TRIO: variants seen among roughly 807,000 people sequenced by gnomAD.
TRIO encodes trio Rho guanine nucleotide exchange factor.
Under a neutral mutation model 351.9 loss-of-function variants are expected in TRIO, and 58 were observed. The observed-to-expected ratio is 0.16, with a 90% CI of 0.13 to 0.21. The LOEUF (loss-of-function observed/expected upper bound fraction) is 0.21, where lower values mean the gene tolerates loss of function less well. TRIO is among the 10% of genes least tolerant of loss of function. TRIO has a pLI of 1.00. For synonymous variants in TRIO, 1,758 were observed against 1,595.7 expected, an observed-to-expected ratio of 1.10 and a Z score of -2.42; for missense variants, 3,201 against 4,027.8, an observed-to-expected ratio of 0.79 and a Z score of 5.56.
chr5:14,146,679 G>T (rs1395938263), intron 1 of TRIO, among the ~76,000 whole-genome samples: 1 of 152,256 alleles, frequency 6.6e-6, no homozygotes, highest in African/African-American at 2.4e-5. Flanking sequence ...GGGCTCAGGG[G>T]ACAGGACTGC....
At chr5:14,289,507 C>T (rs1337564618) in intron 4 of TRIO, among the ~76,000 whole-genome samples, 10 of 152,016 alleles carry the variant, frequency 6.6e-5, no homozygotes, top group South Asian at 6.2e-4. Context: ...ATGTAATCAT[C>T]GCCACACTCC....
At chr5:14,229,446 G>C (rs1266663039) in intron 1 of TRIO, among the ~76,000 whole-genome samples, 1 of 152,230 alleles carries the variant, frequency 6.6e-6, no homozygotes, top group Non-Finnish European at 1.5e-5. Flanking sequence ...CTGGAGGAGA[G>C]GGGATCTTTT....
chr5:14,458,591 C>T (rs1753545040), intron 34 of TRIO, among the ~76,000 whole-genome samples: 1 of 152,218 alleles, frequency 6.6e-6, no homozygotes, highest in Admixed American at 6.5e-5. Context: ...TGTTCATTAT[C>T]TCTGTCCAGT....
chr5:14,143,902 G>A lies in TRIO; in HGVS notation c.157+20G>A. On this transcript the variant is annotated intron_variant, in intron 1 of 56. Coordinates refer to ENST00000344204, the MANE Select transcript of TRIO (RefSeq NM_007118.4). ...GATCCGGTGAGTGCAACTGCGGCCG[G>A]CCCGCCCAGCGGCGCTGCCCCAAGC... 2.8e-6 allele frequency: 3 copies of A among 1,069,306 alleles called. No individual in the cohort carries two copies. Among genetic ancestry groups the A allele is most frequent in the South Asian group, 8.7e-5 (2 of 22,864 alleles). 66.2% of individuals were successfully genotyped at this position (1,069,306 alleles called of 1,614,324 possible).
chr5:14,504,670 T>C, intron 55 of TRIO, 77 bp downstream of exon 55: 1 of 1,513,150 alleles, frequency 6.6e-7, no homozygotes, highest in Non-Finnish European at 9.0e-7. Context: ...CTGTTTGTTC[T>C]CTAAGAAGGA....
At chr5:14,460,572 G>A (rs192836595) in intron 34 of TRIO, among the ~76,000 whole-genome samples, 49 of 152,356 alleles carry the variant, frequency 3.2e-4, no homozygotes, top group African/African-American at 1.2e-3. Flanking sequence ...CAGTAAGCAT[G>A]TCAGTTGGCA....
intron 1 of TRIO, among the ~76,000 whole-genome samples, chr5:14,166,990 C>T (rs17299045): frequency 0.07 from 10,684 of 151,998 alleles, 546 homozygotes; most frequent in Admixed American, 0.17. Context: ...AGTCCTCAAG[C>T]GCCCATTCTT....
intron 33 of TRIO, among the ~76,000 whole-genome samples, chr5:14,408,230 A>G (rs921896647): frequency 6.6e-6 from 1 of 152,202 alleles, no homozygotes; most frequent in Non-Finnish European, 1.5e-5. Context: ...AGGATTCATG[A>G]TACTTAATGT....
At chr5:14,504,157 G>A (rs964231111) in intron 54 of TRIO, among the ~76,000 whole-genome samples, 2 of 152,244 alleles carry the variant, frequency 1.3e-5, no homozygotes, top group African/African-American at 2.4e-5. Flanking sequence ...AGCCACCGAC[G>A]TGAGGAGACC....
chr5:14,390,117 C>T, intron 25 of TRIO, 114 bp from the exon 26 acceptor site: 1 of 872,174 alleles, frequency 1.1e-6, no homozygotes, highest in South Asian at 1.7e-5. Flanking sequence ...TAGTTAAGAG[C>T]TACATGTTTT....
chr5:14,406,559 C>A lies in TRIO; in HGVS notation c.4860-14C>A. 2 of 1,613,688 alleles carry A rather than the reference C, an allele frequency of 1.2e-6. 1 individual carries two copies. Among genetic ancestry groups the A allele is most frequent in the South Asian group, 2.2e-5 (2 of 91,060 alleles). On this transcript the variant is annotated splice_polypyrimidine_tract_variant and intron_variant, in intron 32 of 56. Coordinates refer to ENST00000344204, the MANE Select transcript of TRIO (RefSeq NM_007118.4). ...CAGCAGCATCAGGAACTAAAAGTTT[C>A]TTTGCACCGCCAGGGATGGAGAGGA...
chr5:14,335,474 A>G (rs961501216), intron 10 of TRIO, among the ~76,000 whole-genome samples: 6 of 151,742 alleles, frequency 4.0e-5, no homozygotes, highest in Admixed American at 1.3e-4. Flanking sequence ...CTCCCCTCCC[A>G]CCTGTGGACC....
At chr5:14,458,917 A>G (rs2126483011) in intron 34 of TRIO, among the ~76,000 whole-genome samples, 1 of 152,334 alleles carries the variant, frequency 6.6e-6, no homozygotes, top group Admixed American at 6.5e-5. Context: ...ACTGATAGGG[A>G]AATGTTTTAG....
chr5:14,483,381 A>G (rs1755674436), intron 46 of TRIO, among the ~76,000 whole-genome samples: 1 of 152,208 alleles, frequency 6.6e-6, no homozygotes, highest in Non-Finnish European at 1.5e-5. Flanking sequence ...TGGGAGATAC[A>G]TGCCCCCGCC....
At position 14,289,805 on chromosome 5, in the gene TRIO, C is replaced by T. The variant is rs181694406; in HGVS notation, c.541-911C>T. On this transcript the variant is annotated intron_variant, in intron 4 of 56. Transcript: ENST00000344204. ...CAGAGGTTGCAGTAAGCTGAGACTGCGCCACTGCACTCCAGCCTGGGTGAC... is the reference window on the plus strand; with the variant it reads ...CAGAGGTTGCAGTAAGCTGAGACTGTGCCACTGCACTCCAGCCTGGGTGAC... 9.5e-3 allele frequency among the ~76,000 whole-genome samples: 1,437 copies of T among 151,878 alleles called. 6 individuals are homozygous for T. Among genetic ancestry groups the T allele is most frequent in the Middle Eastern group, 0.024 (7 of 292 alleles).
intron 1 of TRIO, among the ~76,000 whole-genome samples, chr5:14,260,253 T>C (rs1205838983): frequency 6.6e-6 from 1 of 152,200 alleles, no homozygotes; most frequent in Non-Finnish European, 1.5e-5. Flanking sequence ...TTAAATGGAT[T>C]TGTCTAATTA....
In TRIO at chr5:14,464,508, C is replaced by T. The variant is rs567445608; in HGVS notation, c.5668-1037C>T. Among the ~76,000 whole-genome samples the T allele has an allele frequency of 5.5e-4, 84 of 152,336 alleles. No individual in the cohort carries two copies. Among genetic ancestry groups the T allele is most frequent in the Non-Finnish European group, 9.0e-4 (61 of 68,026 alleles). ...CTCTTTTTGTAAACTTTCACTGCAG[C>T]ATTATGTTGATTTGTGTTCTGTGTC... On this transcript the variant is annotated intron_variant, in intron 36 of 56. Coordinates refer to ENST00000344204, the MANE Select transcript of TRIO (RefSeq NM_007118.4).
At chr5:14,290,676 A>T in intron 4 of TRIO, 40 bp from the exon 5 acceptor site, 1 of 1,542,090 alleles carries the variant, frequency 6.5e-7, no homozygotes, top group Non-Finnish European at 8.7e-7. Flanking sequence ...ACTATATAAA[A>T]TTGGTTCATC....
At chr5:14,493,322 T>G (rs1756630119) in intron 49 of TRIO, among the ~76,000 whole-genome samples, 1 of 151,954 alleles carries the variant, frequency 6.6e-6, no homozygotes, top group Non-Finnish European at 1.5e-5. Context: ...TTACACGAGT[T>G]TTGTGGCAAC....
Sources: gnomAD v4.1 joint callset for allele counts (sites outside exome capture counted in the v4.1 genomes callset) on GRCh38, gnomAD v4.1.1 for gene constraint, MANE v1.5 for transcripts, NCBI Gene and HGNC (gene_info 2026-07-23, HGNC 2026-07-21) for gene names.